The following ZNF652 variants were observed in gnomAD, a reference collection of about 807,000 sequenced individuals.
ZNF652 encodes zinc finger protein 652.
A neutral mutation model predicts 45.2 loss-of-function variants in ZNF652; 16 were observed. The ratio of observed to expected loss-of-function variants is 0.35; its 90% CI spans 0.24 to 0.54. The LOEUF (loss-of-function observed/expected upper bound fraction) is 0.54. Ranked by LOEUF, ZNF652 falls within the 20% of genes least tolerant of loss-of-function variation. The probability of loss-of-function intolerance (pLI) is 0.91; values close to 1 mark genes in which losing one functional copy is unlikely to be tolerated. For synonymous variants in ZNF652, 250 were observed against 260.6 expected (o/e 0.96, Z 0.39); for missense variants, 614 against 765.6 (o/e 0.80, Z 2.34).
chr17:49,326,080 G>A (rs2069952855), intron 1 of ZNF652, among the ~76,000 whole-genome samples: 1 of 151,832 alleles, frequency 6.6e-6, no homozygotes, highest in South Asian at 2.1e-4. Context: ...ATTAAGTCAA[G>A]GAAGAAGTAT....
At chr17:49,306,054 C>T (rs1423972313) in intron 5 of ZNF652, among the ~76,000 whole-genome samples, 4 of 152,188 alleles carry the variant, frequency 2.6e-5, no homozygotes, top group Non-Finnish European at 5.9e-5. Flanking sequence ...GTATTACTGT[C>T]ATTCTTATTT....
rs2143649101 is a variant in ZNF652 at position 49,289,404 on chromosome 17, TA to T, written c.*9008del. 6.6e-6 allele frequency: 1 copy of T among 152,328 alleles called. No individual in the cohort carries two copies. The highest frequency in any genetic ancestry group is 6.5e-5 in the Admixed American group (1 of 15,292). 9.4% of individuals were successfully genotyped at this position (152,328 alleles called of 1,614,324 possible). A position where few individuals can be genotyped will look rare whatever the true frequency, so the allele number is the denominator to read the frequency against. ...TAGTTTTAACAATCTATAAATTTTT[TA>T]TACTTAAAATCATGATTGAGTTGAA... On this transcript the variant is annotated 3_prime_UTR_variant, in exon 6 of 6. Coordinates refer to ENST00000430262, the MANE Select transcript of ZNF652 (RefSeq NM_001145365.3).
downstream of ZNF652, chr17:49,289,059 A>G (rs1338195323): frequency 2.0e-5 from 3 of 152,188 alleles, no homozygotes; most frequent in African/African-American, 7.2e-5. Flanking sequence ...AGGTCAGCCT[A>G]TTACCATCAC....
chr17:49,323,025 G>C (rs905505392), intron 1 of ZNF652, among the ~76,000 whole-genome samples: 1 of 152,202 alleles, frequency 6.6e-6, no homozygotes, highest in Non-Finnish European at 1.5e-5. Flanking sequence ...GGCTGGGGTG[G>C]CTGTGGCAAT....
Position 49,305,313 on chromosome 17 carries a change from C to T in ZNF652, c.1309+5999G>A, listed in dbSNP as rs961629468. The stretch of plus-strand genomic sequence containing the variant: ...ACTTTAATCTCATTCGTTGCCATTA[C>T]CATAAATTCTATTTTATTTTATCTT... On this transcript the variant is annotated intron_variant, in intron 5 of 5. Transcript: ENST00000430262. 7.0e-4 allele frequency among the ~76,000 whole-genome samples: 107 copies of T among 152,242 alleles called. 1 individual carries two copies. The highest frequency in any genetic ancestry group is 2.4e-3 in the African/African-American group (101 of 41,528).
chr17:49,355,195 A>C (rs1037422352), intron 1 of ZNF652, among the ~76,000 whole-genome samples: 2 of 152,098 alleles, frequency 1.3e-5, no homozygotes, highest in Admixed American at 6.5e-5. Flanking sequence ...AAAAGTTTAA[A>C]TATATGTTAC....
At chr17:49,316,743 T>A in intron 2 of ZNF652, 83 bp downstream of exon 2, 1 of 1,411,178 alleles carries the variant, frequency 7.1e-7, no homozygotes, top group South Asian at 1.4e-5. Flanking sequence ...TCTATTGCAT[T>A]TATTCTCTTG....
At chr17:49,311,609 G>A (rs1301960245) in intron 4 of ZNF652, among the ~76,000 whole-genome samples, 153 bp from the exon 5 acceptor site, 1 of 152,162 alleles carries the variant, frequency 6.6e-6, no homozygotes. Context: ...TTCTGCAGGT[G>A]AGTTACTAAT....
intron 1 of ZNF652, among the ~76,000 whole-genome samples, chr17:49,328,538 C>T (rs2069991037): frequency 6.6e-6 from 1 of 152,070 alleles, no homozygotes; most frequent in Non-Finnish European, 1.5e-5. Flanking sequence ...CAGTGCTGTC[C>T]TCGAAGGAAT....
At chr17:49,301,836 G>A (rs2069556922) in intron 5 of ZNF652, among the ~76,000 whole-genome samples, 1 of 152,090 alleles carries the variant, frequency 6.6e-6, no homozygotes. Flanking sequence ...AGACCAGCCT[G>A]GGCAACACAG....
chr17:49,323,344 G>A (rs968105715), intron 1 of ZNF652, among the ~76,000 whole-genome samples: 1 of 152,148 alleles, frequency 6.6e-6, no homozygotes, highest in African/African-American at 2.4e-5. Flanking sequence ...TCACCTTCAG[G>A]CTCCACTTCT....
chr17:49,347,150 CAG>C (rs1302530434), intron 1 of ZNF652, among the ~76,000 whole-genome samples: 1 of 152,160 alleles, frequency 6.6e-6, no homozygotes. Context: ...CTTTTGAAAA[CAG>C]ATAAATGAAG....
chr17:49,294,473 A>G lies in ZNF652; in HGVS notation c.*3940T>C, dbSNP rs1367430362. The G allele has an allele frequency of 6.6e-6, 1 of 152,194 alleles. No individual in the cohort carries two copies. The highest frequency in any genetic ancestry group is 2.4e-5 in the African/African-American group (1 of 41,442). The allele number at this position is 152,194 out of a possible 1,614,324, so 9.4% of individuals were successfully genotyped here. On this transcript the variant is annotated 3_prime_UTR_variant, in exon 6 of 6. Coordinates refer to ENST00000430262, the MANE Select transcript of ZNF652 (RefSeq NM_001145365.3). ...TAAAAATAAGAATCCAGTCACAAAT[A>G]TATGTGGAAATGAAGCCACATGCCT...
intron 5 of ZNF652, among the ~76,000 whole-genome samples, chr17:49,304,776 G>T (rs1358474702): frequency 2.0e-5 from 3 of 151,980 alleles, no homozygotes; most frequent in Admixed American, 6.6e-5. Flanking sequence ...CAAAAATTTG[G>T]CTAGTTGTCT....
chr17:49,312,603 A>T, intron 3 of ZNF652, 95 bp downstream of exon 3: 1 of 1,363,276 alleles, frequency 7.3e-7, no homozygotes, highest in Non-Finnish European at 1.0e-6. Context: ...AAAACTGATT[A>T]GGGCAATTCC....
At chr17:49,358,907 T>C (rs1167802066) in intron 1 of ZNF652, among the ~76,000 whole-genome samples, 2 of 152,008 alleles carry the variant, frequency 1.3e-5, no homozygotes, top group Non-Finnish European at 2.9e-5. Context: ...TTAATGAGAG[T>C]GAACTGCTGG....
chr17:49,342,230 G>A (rs552241762), intron 1 of ZNF652, among the ~76,000 whole-genome samples: 4 of 151,012 alleles, frequency 2.6e-5, no homozygotes, highest in Admixed American at 6.6e-5. Context: ...GTATTTTTTC[G>A]CTTTGGTCTT....
At chr17:49,303,904 C>A (rs1010263090) in intron 5 of ZNF652, among the ~76,000 whole-genome samples, 1 of 150,834 alleles carries the variant, frequency 6.6e-6, no homozygotes, top group Non-Finnish European at 1.5e-5. Context: ...TTTGTTTTTT[C>A]CTGAGACACA....
intron 1 of ZNF652, among the ~76,000 whole-genome samples, chr17:49,353,477 T>A (rs2070303444): frequency 6.6e-6 from 1 of 152,198 alleles, no homozygotes; most frequent in Non-Finnish European, 1.5e-5. Flanking sequence ...GACAAATTCT[T>A]TAAAATTTTT....
Sources: gnomAD v4.1 joint callset for allele counts (sites outside exome capture counted in the v4.1 genomes callset) on GRCh38, gnomAD v4.1.1 for gene constraint, MANE v1.5 for transcripts, NCBI Gene and HGNC (gene_info 2026-07-23, HGNC 2026-07-21) for gene names.